Variants in MAPK4 observed in about 807,000 individuals in gnomAD.
MAPK4 encodes Erk3-related.
Under a neutral mutation model 47.7 loss-of-function variants are expected in MAPK4, and 22 were observed. The ratio of observed to expected loss-of-function variants is 0.46; its 90% CI spans 0.33 to 0.66. MAPK4 has a LOEUF of 0.66. Among genes scored for constraint, MAPK4 ranks in the 30% least tolerant of loss-of-function variants. MAPK4 has a pLI of 0.02. For missense variants in MAPK4, 736 were observed against 831.7 expected (o/e 0.88, Z 1.42); for synonymous variants, 390 against 365.7 (o/e 1.07, Z -0.76).
chr18:50,676,602 T>C (rs1349996428), intron 2 of MAPK4, among the ~76,000 whole-genome samples: 1 of 152,220 alleles, frequency 6.6e-6, no homozygotes, highest in African/African-American at 2.4e-5. Flanking sequence ...GTAACAGTTT[T>C]AATTCCTAGA....
At chr18:50,630,371 CAG>C (rs1254386180) in intron 1 of MAPK4, among the ~76,000 whole-genome samples, 11 of 152,224 alleles carry the variant, frequency 7.2e-5, no homozygotes, top group African/African-American at 2.6e-4. Flanking sequence ...GTATTTTTAA[CAG>C]AGACAGGGTT....
chr18:50,721,960 G>A lies in MAPK4; in HGVS notation c.714G>A (p.Met238Ile), dbSNP rs1316264789. ...LFAGAHELEQ[M>I]QLILETIPVI... The stretch of plus-strand genomic sequence containing the variant: ...CAGGGGCCCATGAGCTGGAGCAGAT[G>A]CAACTCATCCTGGAGACCATCCCTG... The change falls in exon 4 of 6, where the codon ATG becomes ATA. Residue 238 changes from methionine to isoleucine, a missense_variant. Transcript: ENST00000400384. 6.2e-7 allele frequency: 1 copy of A among 1,613,998 alleles called. No homozygotes were observed. The highest frequency in any genetic ancestry group is 8.5e-7 in the Non-Finnish European group (1 of 1,180,036).
chr18:50,728,770 C>T (rs1421233114), intron 5 of MAPK4, among the ~76,000 whole-genome samples: 1 of 152,196 alleles, frequency 6.6e-6, no homozygotes, highest in Non-Finnish European at 1.5e-5. Context: ...TTTAGCAAGA[C>T]CCGCAGGTGA....
At chr18:50,562,658 A>G (rs188325510) in intron 1 of MAPK4, among the ~76,000 whole-genome samples, 1 of 152,352 alleles carries the variant, frequency 6.6e-6, no homozygotes, top group East Asian at 1.9e-4. Context: ...TAATCTTAGG[A>G]TCTTGAGATG....
chr18:50,645,759 G>A (rs1434448894), intron 1 of MAPK4, among the ~76,000 whole-genome samples: 1 of 152,188 alleles, frequency 6.6e-6, no homozygotes, highest in Admixed American at 6.5e-5. Flanking sequence ...GAGCCTAATG[G>A]TTGAGGGCAT....
rs1911475472 is a variant in MAPK4 at position 50,730,060 on chromosome 18, C to T, written c.*206C>T. ...CCTGTGGGAGCGGGTTTGAACAGGACCCTGGCTTAGGGGTTGATCACTTTC... is the reference window on the plus strand; with the variant it reads ...CCTGTGGGAGCGGGTTTGAACAGGATCCTGGCTTAGGGGTTGATCACTTTC... On this transcript the variant is annotated 3_prime_UTR_variant, in exon 6 of 6. Transcript: ENST00000400384. 2.1e-6 allele frequency: 1 copy of T among 486,138 alleles called. No individual in the cohort carries two copies. The allele number at this position is 486,138 out of a possible 1,614,324, so 30.1% of individuals were successfully genotyped here. A position where few individuals can be genotyped will look rare whatever the true frequency, so the allele number is the denominator to read the frequency against.
intron 4 of MAPK4, among the ~76,000 whole-genome samples, chr18:50,724,972 G>C (rs1327528738): frequency 2.6e-5 from 4 of 152,164 alleles, no homozygotes; most frequent in Admixed American, 6.5e-5. Context: ...GATAACCCAG[G>C]GCAGAGCTCC....
intron 1 of MAPK4, among the ~76,000 whole-genome samples, chr18:50,598,844 T>A (rs2042508616): frequency 6.6e-6 from 1 of 152,156 alleles, no homozygotes; most frequent in South Asian, 2.1e-4. Context: ...GTCTGATTAT[T>A]TTTATCATAA....
intron 2 of MAPK4, among the ~76,000 whole-genome samples, chr18:50,695,058 G>C (rs1476493476): frequency 6.6e-6 from 1 of 152,090 alleles, no homozygotes; most frequent in Non-Finnish European, 1.5e-5. Flanking sequence ...CAAGAACATA[G>C]ACTCAGGCCA....
chr18:50,724,963 A>C (rs1301140638), intron 4 of MAPK4, among the ~76,000 whole-genome samples: 1 of 152,232 alleles, frequency 6.6e-6, no homozygotes, highest in African/African-American at 2.4e-5. Flanking sequence ...TTGCGCTGAG[A>C]TAACCCAGGG....
intron 2 of MAPK4, among the ~76,000 whole-genome samples, chr18:50,698,525 GA>G (rs1209793096): frequency 1.3e-5 from 2 of 152,044 alleles, no homozygotes; most frequent in Non-Finnish European, 2.9e-5. Flanking sequence ...AAACTTCTCA[GA>G]AAGAAAACCT....
intron 2 of MAPK4, among the ~76,000 whole-genome samples, chr18:50,714,559 G>A (rs1290776699): frequency 4.6e-5 from 7 of 152,138 alleles, no homozygotes; most frequent in Admixed American, 4.6e-4. Flanking sequence ...GGTCTTATCT[G>A]TTCTCAGCAA....
chr18:50,600,321 A>C (rs2042524046), intron 1 of MAPK4, among the ~76,000 whole-genome samples: 1 of 152,156 alleles, frequency 6.6e-6, no homozygotes, highest in South Asian at 2.1e-4. Context: ...CTCCCTAACC[A>C]GGCATCTCAG....
chr18:50,588,043 T>A (rs2042403884), intron 1 of MAPK4, among the ~76,000 whole-genome samples: 1 of 152,142 alleles, frequency 6.6e-6, no homozygotes, highest in Non-Finnish European at 1.5e-5. Flanking sequence ...AATGATGTTG[T>A]TTATGCCAGT....
intron 1 of MAPK4, among the ~76,000 whole-genome samples, chr18:50,624,297 A>G (rs988061075): frequency 6.6e-6 from 1 of 152,256 alleles, no homozygotes; most frequent in Non-Finnish European, 1.5e-5. Flanking sequence ...GCAGAATACA[A>G]GAGTACCAGC....
At chr18:50,661,483 C>G (rs1376703457) in intron 1 of MAPK4, among the ~76,000 whole-genome samples, 1 of 152,178 alleles carries the variant, frequency 6.6e-6, no homozygotes, top group Non-Finnish European at 1.5e-5. Context: ...AAGCACTAAG[C>G]TGGTGCTCTC....
intron 1 of MAPK4, among the ~76,000 whole-genome samples, chr18:50,593,268 A>G (rs2042453862): frequency 6.6e-6 from 1 of 152,120 alleles, no homozygotes; most frequent in Non-Finnish European, 1.5e-5. Flanking sequence ...GTCATGATTC[A>G]TCCATTATTG....
chr18:50,729,360 T>A lies in MAPK4; in HGVS notation c.1270T>A (p.Tyr424Asn). 1.3e-5 allele frequency: 20 copies of A among 1,579,320 alleles called. No homozygotes were observed. The highest frequency in any genetic ancestry group is 1.7e-5 in the Non-Finnish European group (20 of 1,164,008). ...CATGGAGCGCGCCTTCGAGGCCGAC[T>A]ACGGGCGCTCCTGCGACTACAAGGT... is the stretch of plus-strand genomic sequence containing the variant. Reference protein sequence around the residue: ...SSMERAFEADYGRSCDYKVGS... With the variant: ...SSMERAFEADNGRSCDYKVGS... Residue 424 changes from tyrosine (Y) to asparagine (N), a missense_variant, in exon 6 of 6, where the codon TAC becomes AAC. This residue lies in a region of MAPK4 where 377 missense variants were observed against 378.6 expected (regional missense o/e 1.00). Coordinates refer to ENST00000400384, the MANE Select transcript of MAPK4 (RefSeq NM_002747.4).
At chr18:50,704,065 T>TTG (rs1909924455) in intron 2 of MAPK4, among the ~76,000 whole-genome samples, 1 of 152,104 alleles carries the variant, frequency 6.6e-6, no homozygotes, top group African/African-American at 2.4e-5. Context: ...CAGGCAGACC[T>TTG]TGTGACAGAG....
Sources: allele counts gnomAD v4.1 joint callset (sites outside exome capture counted in the v4.1 genomes callset), GRCh38; gene constraint gnomAD v4.1.1; regional missense constraint gnomAD v4.1.1; transcripts MANE v1.5; gene names NCBI Gene and HGNC (gene_info 2026-07-23, HGNC 2026-07-21).